Variants in HSPG2 observed in about 807,000 individuals in gnomAD.
HSPG2 encodes basement membrane-specific heparan sulfate proteoglycan core protein.
A neutral mutation model predicts 526.6 loss-of-function variants in HSPG2; 278 were observed. That is an observed-to-expected ratio of 0.53 (90% CI 0.48 to 0.58). The LOEUF (loss-of-function observed/expected upper bound fraction) is 0.58. Ranked by LOEUF, HSPG2 falls within the 20% of genes least tolerant of loss-of-function variation. HSPG2 has a pLI of 0.00. For synonymous variants in HSPG2, 2,465 were observed against 2,555.4 expected, an observed-to-expected ratio of 0.96 and a Z score of 1.07; for missense variants, 5,354 against 6,099.5, an observed-to-expected ratio of 0.88 and a Z score of 4.07.
intron 1 of HSPG2, among the ~76,000 whole-genome samples, chr1:21,906,913 A>C (rs1197752621): frequency 6.6e-6 from 1 of 152,194 alleles, no homozygotes; most frequent in Non-Finnish European, 1.5e-5. Context: ...TATGCTCCCC[A>C]GTACCCAGGG....
Position 21,847,794 on chromosome 1 carries a change from C to A in HSPG2, c.7920G>T (p.Thr2640=). Residue 2640 remains threonine (T), a synonymous_variant, in exon 61 of 97, where the codon ACG becomes ACT. Coordinates refer to ENST00000374695, the MANE Select transcript of HSPG2 (RefSeq NM_005529.7). This position sits in a 1 kb window ranked among gnomAD's most constrained non-coding sequence, Gnocchi z 4.1. ...GATCCAAGGTCTGCCCTTCCACCAC[C>A]GTGGGGGAAGACGACTCGATCCTGA... ...PPIRIESSSP[T]VVEGQTLDLN... 1 of 1,613,736 alleles carries A rather than the reference C, an allele frequency of 6.2e-7. No homozygotes were observed. The highest frequency in any genetic ancestry group is 8.5e-7 in the Non-Finnish European group (1 of 1,179,930).
In HSPG2 at chr1:21,823,399, G is replaced by C; in HGVS notation, c.13093C>G (p.Arg4365Gly). Reference protein sequence around the residue: ...CVKNLVLHSARPGAPPPQPLD... With the variant: ...CVKNLVLHSAGPGAPPPQPLD... ...GGCTGTGGGGGCGGGGCGCCGGGTC[G>C]GGCCGAGTGCAGCACCAGGTTCTTG... Residue 4365 changes from arginine (R) to glycine (G), a missense_variant, in exon 97 of 97, where the codon CGA (arginine) becomes GGA (glycine). Coordinates refer to ENST00000374695, the MANE Select transcript of HSPG2 (RefSeq NM_005529.7). 6.4e-7 allele frequency: 1 copy of C among 1,567,264 alleles called. No individual in the cohort carries two copies. The highest frequency in any genetic ancestry group is 2.3e-5 in the East Asian group (1 of 42,880).
rs1572209283 is a variant in HSPG2 at position 21,847,324 on chromosome 1, A to G, written c.8164+30T>C. 1 of 1,613,462 alleles carries G rather than the reference A, an allele frequency of 6.2e-7. No homozygotes were observed. The highest frequency in any genetic ancestry group is 8.5e-7 in the Non-Finnish European group (1 of 1,179,868). The stretch of plus-strand genomic sequence containing the variant: ...CTCCCCAGGGAACACTGTTGCCTGC[A>G]TCCCTCGTCCCTTTCCTAGGCAGAC... On this transcript the variant is annotated intron_variant, in intron 62 of 96. Coordinates refer to ENST00000374695, the MANE Select transcript of HSPG2 (RefSeq NM_005529.7). This position sits in a 1 kb window ranked among gnomAD's most constrained non-coding sequence, Gnocchi z 4.1.
At chr1:21,855,063 G>A (rs1639228270) in intron 47 of HSPG2, 80 bp from the exon 48 acceptor site, 10 of 1,555,936 alleles carry the variant, frequency 6.4e-6, no homozygotes, top group Non-Finnish European at 8.8e-6. Context: ...GGCATAAAAG[G>A]GAGAGGCAGG....
rs557540406 is a variant in HSPG2, at chr1:21,830,920, G to A, written c.11671+62C>T. 131 of 1,104,622 alleles carry A rather than the reference G, an allele frequency of 1.2e-4. No individual in the cohort carries two copies. In the African/African-American group the frequency reaches 1.7e-3, roughly 14 times the overall value. 68.4% of individuals were successfully genotyped at this position (1,104,622 alleles called of 1,614,324 possible). ...GTGGTTGAGATGGTGGTGGATATGG[G>A]GAGGCAGCAAAGGGAAGAGGCAGGC... is the stretch of plus-strand genomic sequence containing the variant. On this transcript the variant is annotated intron_variant, in intron 85 of 96. Transcript: ENST00000374695.
At position 21,878,408 on chromosome 1, in the gene HSPG2, A is replaced by C. The variant is rs375627995; in HGVS notation, c.2617+25T>G. 29 of 1,594,290 alleles carry C rather than the reference A, an allele frequency of 1.8e-5. No individual in the cohort carries two copies. In the African/African-American group the frequency reaches 3.2e-4, roughly 18 times the overall value. On this transcript the variant is annotated intron_variant, in intron 20 of 96. Coordinates refer to ENST00000374695, the MANE Select transcript of HSPG2 (RefSeq NM_005529.7). Reference sequence around the variant, plus strand: ...CAGGTTGGGTTGGGAGGTGGGTGTCAGGGGATGGTGGCAGCCATACTCACT... The same window carrying C: ...CAGGTTGGGTTGGGAGGTGGGTGTCCGGGGATGGTGGCAGCCATACTCACT...
At chr1:21,910,665 A>G (rs1277742674) in intron 1 of HSPG2, among the ~76,000 whole-genome samples, 1 of 152,072 alleles carries the variant, frequency 6.6e-6, no homozygotes, top group Non-Finnish European at 1.5e-5. Flanking sequence ...TAGGTGCCAA[A>G]TAAATATTTA....
In HSPG2 at chr1:21,842,874, C is replaced by T. The variant is rs373812844; in HGVS notation, c.8806G>A (p.Val2936Met). Residue 2936 changes from valine (V) to methionine (M), a missense_variant, in exon 67 of 97, where the codon GTG (valine) becomes ATG (methionine). By Grantham distance (21) the Val-to-Met change is conservative. Coordinates refer to ENST00000374695, the MANE Select transcript of HSPG2 (RefSeq NM_005529.7). ...AGATCCAGAGTCTGCCCTTCAGTCA[C>T]GTGTGAAGAGGAGGCCTCGATGTAG... ...PIYIEASSSH[V>M]TEGQTLDLNC... The T allele has an allele frequency of 1.1e-5, 17 of 1,613,952 alleles. No individual in the cohort carries two copies. The highest frequency in any genetic ancestry group is 8.9e-5 in the East Asian group (4 of 44,876).
rs550303867 is a variant in HSPG2 at position 21,890,262 on chromosome 1, G to A, written c.414-121C>T. 3.0e-6 allele frequency: 4 copies of A among 1,340,078 alleles called. No homozygotes were observed. The highest frequency in any genetic ancestry group is 2.4e-4 in the Middle Eastern group (1 of 4,216). The allele number at this position is 1,340,078 out of a possible 1,614,324, so 83.0% of individuals were successfully genotyped here. On this transcript the variant is annotated intron_variant, in intron 5 of 96. Coordinates refer to ENST00000374695, the MANE Select transcript of HSPG2 (RefSeq NM_005529.7). The surrounding 1 kb of genome is among the most constrained non-coding windows in gnomAD (Gnocchi z 4.1). ...CGGGACAGCCTGTACCCAAAGAAGGGCAACTAAAGGTCCCAATGATCCCCC... is the reference window on the plus strand; with the variant it reads ...CGGGACAGCCTGTACCCAAAGAAGGACAACTAAAGGTCCCAATGATCCCCC...
intron 1 of HSPG2, among the ~76,000 whole-genome samples, chr1:21,909,169 G>C (rs1190528074): frequency 1.3e-5 from 2 of 152,152 alleles, no homozygotes; most frequent in Admixed American, 6.5e-5. Context: ...GCAGAGACCC[G>C]CTGAGCAAAG....
intron 75 of HSPG2, among the ~76,000 whole-genome samples, chr1:21,836,299 A>G (rs901710197): frequency 1.3e-5 from 2 of 152,220 alleles, no homozygotes; most frequent in African/African-American, 4.8e-5. Flanking sequence ...AGCACTGTGC[A>G]AGTGCTTCAG....
chr1:21,904,801 G>C lies in HSPG2; in HGVS notation c.64-8491C>G, dbSNP rs1643282697. Among the ~76,000 whole-genome samples, 1 of 152,140 alleles carries C rather than the reference G, an allele frequency of 6.6e-6. No homozygotes were observed. The highest frequency in any genetic ancestry group is 2.1e-4 in the South Asian group (1 of 4,828). Reference sequence around the variant, plus strand: ...CCGGCAACACCTGCAGCGTTCACGTGCCAGCCTCCTGCATGCAGCCTGGCT... The same window carrying C: ...CCGGCAACACCTGCAGCGTTCACGTCCCAGCCTCCTGCATGCAGCCTGGCT... On this transcript the variant is annotated intron_variant, in intron 1 of 96. Coordinates refer to ENST00000374695, the MANE Select transcript of HSPG2 (RefSeq NM_005529.7). This position sits in a 1 kb window ranked among gnomAD's most constrained non-coding sequence, Gnocchi z 4.4.
At chr1:21,913,524 C>T (rs940935746) in intron 1 of HSPG2, among the ~76,000 whole-genome samples, 2 of 152,224 alleles carry the variant, frequency 1.3e-5, no homozygotes, top group Non-Finnish European at 2.9e-5. Flanking sequence ...CCACGGACAG[C>T]CAGGAACCTG....
At chr1:21,888,726 G>A in intron 6 of HSPG2, 2 of 1,364,406 alleles carry the variant, frequency 1.5e-6, no homozygotes, top group Non-Finnish European at 2.0e-6. Flanking sequence ...GTGCTGGAAA[G>A]GAAGATGTGA....
In HSPG2 at chr1:21,858,211, G is replaced by C. The variant is rs1029010391; in HGVS notation, c.5294-826C>G. Among the ~76,000 whole-genome samples, 6 of 152,090 alleles carry C rather than the reference G, an allele frequency of 3.9e-5. No individual in the cohort carries two copies. The highest frequency in any genetic ancestry group is 8.8e-5 in the Non-Finnish European group (6 of 68,042). The stretch of plus-strand genomic sequence containing the variant: ...TCCACTGAAAACCGCTCTTGTCAAA[G>C]CATGACCTCCAAGGGCTATTTCTCT... On this transcript the variant is annotated intron_variant, in intron 42 of 96. Transcript: ENST00000374695. The surrounding 1 kb of genome is among the most constrained non-coding windows in gnomAD (Gnocchi z 4.2).
chr1:21,935,545 G>A (rs1050056982), intron 1 of HSPG2, among the ~76,000 whole-genome samples: 5 of 152,186 alleles, frequency 3.3e-5, no homozygotes, highest in Admixed American at 6.5e-5. Context: ...ATGGAATGTC[G>A]CTCAGTGATG....
chr1:21,860,493 C>T (rs555487329), intron 39 of HSPG2, among the ~76,000 whole-genome samples: 8 of 151,548 alleles, frequency 5.3e-5, no homozygotes, highest in South Asian at 2.1e-4. Flanking sequence ...ATTCAGCAAA[C>T]GTCCATTTTT....
Position 21,864,316 on chromosome 1 carries a change from G to A in HSPG2, c.4627-103C>T, listed in dbSNP as rs1310945646. 1 of 943,516 alleles carries A rather than the reference G, an allele frequency of 1.1e-6. No homozygotes were observed. Among genetic ancestry groups the A allele is most frequent in the East Asian group, 2.6e-5 (1 of 38,116 alleles). The allele number at this position is 943,516 out of a possible 1,614,324, so 58.4% of individuals were successfully genotyped here. On this transcript the variant is annotated intron_variant, in intron 36 of 96. Coordinates refer to ENST00000374695, the MANE Select transcript of HSPG2 (RefSeq NM_005529.7). This position sits in a 1 kb window ranked among gnomAD's most constrained non-coding sequence, Gnocchi z 4.8. ...CAGTGTCCTCCCAGGGGTGACCCTG[G>A]AACATCACAGGCCGGCGCCCCTCCT...
At position 21,911,360 on chromosome 1, in the gene HSPG2, G is replaced by C. The variant is rs1643673944; in HGVS notation, c.64-15050C>G. Among the ~76,000 whole-genome samples, 3 of 152,284 alleles carry C rather than the reference G, an allele frequency of 2.0e-5. No individual in the cohort carries two copies. In the South Asian group the frequency reaches 6.2e-4, roughly 32 times the overall value. ...GCTCTGGGCCTGGCCCAAGCAGGGG[G>C]AGAATGGGCAGGCTGGGAAGTCACC... On this transcript the variant is annotated intron_variant, in intron 1 of 96. Transcript: ENST00000374695.
Sources: allele counts gnomAD v4.1 joint callset (sites outside exome capture counted in the v4.1 genomes callset), GRCh38; gene constraint gnomAD v4.1.1; non-coding constraint Gnocchi (gnomAD v3.1); transcripts MANE v1.5; gene names NCBI Gene and HGNC (gene_info 2026-07-23, HGNC 2026-07-21).